TPH1: variants seen among roughly 807,000 people sequenced by gnomAD.
The protein encoded by TPH1 is tryptophan 5-hydroxylase 1.
A neutral mutation model predicts 49.5 loss-of-function variants in TPH1; 37 were observed. The observed-to-expected ratio is 0.75, with a 90% confidence interval of 0.58 to 0.98. The LOEUF is 0.98. Ranked by LOEUF, TPH1 falls within the 50% of genes least tolerant of loss-of-function variation. The pLI, the probability that TPH1 is intolerant of heterozygous loss-of-function variation, is 0.00. For missense variants in TPH1, 487 were observed against 523.6 expected (o/e 0.93, Z 0.68); for synonymous variants, 160 against 182.1 (o/e 0.88, Z 0.98).
intron 8 of TPH1, among the ~76,000 whole-genome samples, chr11:18,024,789 T>C (rs1847910594): frequency 6.6e-6 from 1 of 152,194 alleles, no homozygotes. Context: ...AGAAGCACTA[T>C]TCTATTTCAC....
At position 18,017,577 on chromosome 11, in the gene TPH1, C is replaced by T. The variant is rs1854311118; in HGVS notation, c.*3414G>A. 6.6e-6 allele frequency: 1 copy of T among 152,096 alleles called. No homozygotes were observed. Among genetic ancestry groups the T allele is most frequent in the Non-Finnish European group, 1.5e-5 (1 of 68,006 alleles). 9.4% of individuals were successfully genotyped at this position (152,096 alleles called of 1,614,324 possible). On this transcript the variant is annotated 3_prime_UTR_variant, in exon 11 of 11. Transcript: ENST00000682019. ...TGGTTGAGAACATAAATTTTGTGTTCATTTATTATCCCACTGAATAACAAA... is the reference window on the plus strand; with the variant it reads ...TGGTTGAGAACATAAATTTTGTGTTTATTTATTATCCCACTGAATAACAAA...
chr11:18,039,607 A>C (rs977058710), intron 2 of TPH1, among the ~76,000 whole-genome samples: 3 of 152,204 alleles, frequency 2.0e-5, no homozygotes, highest in African/African-American at 7.2e-5. Flanking sequence ...TGCTGTCAGA[A>C]TATCTGGTAT....
rs1278495457 is a variant in TPH1 at position 18,026,485 on chromosome 11, C to G, written c.803+5G>C. The G allele has an allele frequency of 6.6e-7, 1 of 1,519,412 alleles. No individual in the cohort carries two copies. 94.1% of individuals were successfully genotyped at this position (1,519,412 alleles called of 1,614,324 possible). A position where few individuals can be genotyped will look rare whatever the true frequency, so the allele number is the denominator to read the frequency against. On this transcript the variant is annotated splice_donor_5th_base_variant and intron_variant, in intron 7 of 10. Coordinates refer to ENST00000682019, the MANE Select transcript of TPH1 (RefSeq NM_004179.3). The stretch of plus-strand genomic sequence containing the variant: ...TGAATTCCTGGCTGAAATAGAAGTA[C>G]TTACGGCTCTGGGGTATAGAAGGGA...
intron 10 of TPH1, 98 bp from the exon 11 acceptor site, chr11:18,021,263 CAA>C: frequency 8.1e-7 from 1 of 1,238,404 alleles, no homozygotes; most frequent in Non-Finnish European, 1.2e-6. Flanking sequence ...AGGCAAAAAA[CAA>C]ATTCTTGTTA....
rs549241229 is a variant in TPH1, at chr11:18,040,914, T to C, written c.-26-126A>G. On this transcript the variant is annotated intron_variant, in intron 1 of 10. Transcript: ENST00000682019. ...CTTAACCTTTTATAAAACCTGGATA[T>C]GCAGATAAGCTTTGCAAGAATCTAG... 27 of 888,096 alleles carry C rather than the reference T, an allele frequency of 3.0e-5. No homozygotes were observed. The African/African-American group carries it at 4.1e-4, about 13-fold the overall frequency. 55.0% of individuals were successfully genotyped at this position (888,096 alleles called of 1,614,324 possible).
At chr11:18,037,005 G>A (rs1379540116) in intron 2 of TPH1, among the ~76,000 whole-genome samples, 1 of 152,010 alleles carries the variant, frequency 6.6e-6, no homozygotes, top group Non-Finnish European at 1.5e-5. Flanking sequence ...AAAGCATTAC[G>A]ACTTAAGAGA....
intron 7 of TPH1, 66 bp downstream of exon 7, chr11:18,026,424 A>G: frequency 7.9e-7 from 1 of 1,257,934 alleles, no homozygotes; most frequent in Non-Finnish European, 1.1e-6. Flanking sequence ...AAAAGAACCC[A>G]TAAGGTAGAT....
intron 10 of TPH1, among the ~76,000 whole-genome samples, chr11:18,022,584 A>G (rs1016865160): frequency 6.6e-6 from 1 of 152,224 alleles, no homozygotes; most frequent in African/African-American, 2.4e-5. Flanking sequence ...TGGAAAGAAA[A>G]CAATTTCTCA....
At chr11:18,044,353 C>A (rs950918303) in intron 1 of TPH1, among the ~76,000 whole-genome samples, 1 of 151,620 alleles carries the variant, frequency 6.6e-6, no homozygotes, top group African/African-American at 2.4e-5. Context: ...ACCTGGGAGG[C>A]GGAGGTTGCA....
rs763254062 is a variant in TPH1 at position 18,020,948 on chromosome 11, C to G, written c.*43G>C. ...CAAGGAAAGCAAGAGATGGCCCAGA[C>G]CTCCGAATTGATGCTCAAATGTTCC... On this transcript the variant is annotated 3_prime_UTR_variant, in exon 11 of 11. Transcript: ENST00000682019. 5 of 1,600,902 alleles carry G rather than the reference C, an allele frequency of 3.1e-6. No individual in the cohort carries two copies. The highest frequency in any genetic ancestry group is 4.3e-6 in the Non-Finnish European group (5 of 1,168,376).
In TPH1 at chr11:18,022,925, G is replaced by A. The variant is rs754162064; in HGVS notation, c.1033C>T (p.Leu345Phe). The change falls in exon 10 of 11, where the codon CTT (leucine) becomes TTT (phenylalanine). Residue 345 changes from leucine (L) to phenylalanine (F), a missense_variant. Transcript: ENST00000682019. ...LSSISELKHA[L>F]SGHAKVKPFD... ...GGCTTTACTTTGGCATGTCCAGAAA[G>A]TGCATGCTAGAAGACAAAGAGTCAG... is the stretch of plus-strand genomic sequence containing the variant. 16 of 1,613,162 alleles carry A rather than the reference G, an allele frequency of 9.9e-6. No homozygotes were observed. The highest frequency in any genetic ancestry group is 1.2e-5 in the Non-Finnish European group (14 of 1,179,504).
At chr11:18,032,209 C>A (rs1847997303) in intron 4 of TPH1, among the ~76,000 whole-genome samples, 1 of 152,132 alleles carries the variant, frequency 6.6e-6, no homozygotes, top group Non-Finnish European at 1.5e-5. Flanking sequence ...TTTACTAATT[C>A]TCCAACTCTT....
At chr11:18,045,045 G>A (rs545761926) in intron 1 of TPH1, among the ~76,000 whole-genome samples, 1 of 152,298 alleles carries the variant, frequency 6.6e-6, no homozygotes, top group South Asian at 2.1e-4. Context: ...AGAGGTCAAG[G>A]CGTATACAAT....
intron 1 of TPH1, among the ~76,000 whole-genome samples, chr11:18,043,549 G>A (rs1208997811): frequency 1.3e-5 from 2 of 152,196 alleles, no homozygotes; most frequent in Non-Finnish European, 2.9e-5. Context: ...AGGTTGCAGG[G>A]AGCAAGATCG....
At chr11:18,025,490 G>A in intron 8 of TPH1, 85 bp downstream of exon 8, 1 of 1,587,900 alleles carries the variant, frequency 6.3e-7, no homozygotes, top group East Asian at 2.2e-5. Flanking sequence ...TTTTCTAATG[G>A]TCATTCTGAA....
At chr11:18,032,542 T>C (rs1298309690) in intron 4 of TPH1, among the ~76,000 whole-genome samples, 2 of 133,584 alleles carry the variant, frequency 1.5e-5, no homozygotes, top group Admixed American at 1.5e-4. Context: ...GAAATCTTTT[T>C]TTTTTTTTTT....
intron 1 of TPH1, among the ~76,000 whole-genome samples, chr11:18,041,868 C>A (rs564042992): frequency 6.6e-6 from 1 of 152,206 alleles, no homozygotes; most frequent in South Asian, 2.1e-4. Flanking sequence ...AACCCAAGCG[C>A]ATTCACATGT....
Position 18,029,376 on chromosome 11 carries a change from G to T in TPH1, c.471-15C>A. 1 of 1,610,968 alleles carries T rather than the reference G, an allele frequency of 6.2e-7. No homozygotes were observed. The highest frequency in any genetic ancestry group is 8.5e-7 in the Non-Finnish European group (1 of 1,177,458). ...TGGGGTCTCCACTAATGAGATAAAG[G>T]GAAGGAGTTGTTTTGAATTAGCATT... On this transcript the variant is annotated splice_polypyrimidine_tract_variant and intron_variant, in intron 5 of 10. Coordinates refer to ENST00000682019, the MANE Select transcript of TPH1 (RefSeq NM_004179.3).
At chr11:18,042,868 A>G (rs1193471152) in intron 1 of TPH1, among the ~76,000 whole-genome samples, 1 of 152,230 alleles carries the variant, frequency 6.6e-6, no homozygotes, top group African/African-American at 2.4e-5. Context: ...AAACATGTGG[A>G]AAAGTTGCTT....
Sources: allele counts gnomAD v4.1 joint callset (sites outside exome capture counted in the v4.1 genomes callset), GRCh38; gene constraint gnomAD v4.1.1; transcripts MANE v1.5; gene names NCBI Gene and HGNC (gene_info 2026-07-23, HGNC 2026-07-21).